FKBP10: variants seen among roughly 807,000 people sequenced by gnomAD.
FKBP10 encodes the protein FKBP prolyl isomerase 10.
Under a neutral mutation model 53.7 loss-of-function variants are expected in FKBP10, and 34 were observed. The ratio of observed to expected loss-of-function variants is 0.63; its 90% CI spans 0.48 to 0.84. FKBP10 has a LOEUF of 0.84. Among genes scored for constraint, FKBP10 ranks in the 40% least tolerant of loss-of-function variants. The pLI is 0.00. For synonymous variants in FKBP10, 324 were observed against 335.7 expected, an observed-to-expected ratio of 0.97 and a Z score of 0.38; for missense variants, 748 against 797.8, an observed-to-expected ratio of 0.94 and a Z score of 0.75.
rs2047768277 is a variant in FKBP10, at chr17:41,813,094, G to A, written c.60G>A (p.Leu20=). 3 of 1,611,148 alleles carry A rather than the reference G, an allele frequency of 1.9e-6. No homozygotes were observed. In the East Asian group the frequency reaches 6.7e-5, roughly 36 times the overall value. Residue 20 remains leucine, a synonymous_variant, in exon 1 of 10, where the codon CTG becomes CTA. Coordinates refer to ENST00000321562, the MANE Select transcript of FKBP10 (RefSeq NM_021939.4). ...TCCGGCTCCCCCTGCTGCAGTTGCT[G>A]CTACTGGTGGTGCAGGCCGTGGGGA... ...SLLRLPLLQL[L]LLVVQAVGRG...
intron 7 of FKBP10, 107 bp downstream of exon 7, chr17:41,820,568 C>T: frequency 8.5e-7 from 1 of 1,170,044 alleles, no homozygotes; most frequent in Non-Finnish European, 1.3e-6. Flanking sequence ...TCCTCGAGCG[C>T]CAGGGGAGCA....
chr17:41,819,313 C>A lies in FKBP10; in HGVS notation c.831C>A (p.Pro277=), dbSNP rs782796948. The change falls in exon 5 of 10, where the codon CCC becomes CCA. Residue 277 remains proline (P), a synonymous_variant. Transcript: ENST00000321562. ...AVQLETLELP[P]GCVRRAGAGD... is the part of the protein sequence containing the mutation. Reference sequence around the variant, plus strand: ...AGCTAGAGACGCTGGAGCTCCCCCCCGGCTGTGTCCGCAGAGCCGGGGCCG... The same window carrying A: ...AGCTAGAGACGCTGGAGCTCCCCCCAGGCTGTGTCCGCAGAGCCGGGGCCG... The A allele has an allele frequency of 2.9e-5, 46 of 1,613,944 alleles. No individual in the cohort carries two copies. Among genetic ancestry groups the A allele is most frequent in the African/African-American group, 1.2e-4 (9 of 74,912 alleles).
chr17:41,816,227 C>T (rs1161379394), intron 1 of FKBP10, among the ~76,000 whole-genome samples: 14 of 77,088 alleles, frequency 1.8e-4, no homozygotes, highest in Non-Finnish European at 2.7e-4. Flanking sequence ...TTAGAATAGG[C>T]TTTTTTTTTT....
In FKBP10 at chr17:41,817,051, C is replaced by G. The variant is rs782054815; in HGVS notation, c.246-7C>G. ...TCACTGTATCCCATCTGTCCCTCCC[C>G]CCCCAGCTATGATCGCAACACCTTG... On this transcript the variant is annotated splice_region_variant and splice_polypyrimidine_tract_variant and intron_variant, in intron 1 of 9. Coordinates refer to ENST00000321562, the MANE Select transcript of FKBP10 (RefSeq NM_021939.4). 8 of 1,613,908 alleles carry G rather than the reference C, an allele frequency of 5.0e-6. No homozygotes were observed. The highest frequency in any genetic ancestry group is 6.8e-6 in the Non-Finnish European group (8 of 1,180,036).
intron 4 of FKBP10, 133 bp from the exon 5 acceptor site, chr17:41,819,077 C>A: frequency 5.5e-6 from 5 of 904,350 alleles, no homozygotes; most frequent in African/African-American, 1.6e-5. Flanking sequence ...AGAAGCAGGG[C>A]TGCTGATGGG....
intron 9 of FKBP10, 95 bp downstream of exon 9, chr17:41,821,912 C>T (rs2047896885): frequency 2.7e-6 from 4 of 1,491,142 alleles, no homozygotes; most frequent in Non-Finnish European, 2.8e-6. Context: ...GACTGCCCAC[C>T]CGCCCTGGTG....
At chr17:41,816,115 G>A (rs1555616059) in intron 1 of FKBP10, among the ~76,000 whole-genome samples, 4 of 150,870 alleles carry the variant, frequency 2.7e-5, no homozygotes, top group African/African-American at 9.7e-5. Context: ...CAGCCTGGGT[G>A]ACAGAGCCGA....
chr17:41,821,655 C>G lies in FKBP10; in HGVS notation c.1401C>G (p.Ala467=), dbSNP rs782108520. The G allele has an allele frequency of 6.2e-7, 1 of 1,613,878 alleles. No homozygotes were observed. Among genetic ancestry groups the G allele is most frequent in the East Asian group, 2.2e-5 (1 of 44,844 alleles). Residue 467 remains alanine, a splice_region_variant and synonymous_variant, in exon 9 of 10, where the codon GCC becomes GCG. Coordinates refer to ENST00000321562, the MANE Select transcript of FKBP10 (RefSeq NM_021939.4). The part of the protein sequence containing the change: ...PPHLAHGESG[A]RGVPGSAVLL... ...CCTTCTCTCCTGCCCTCCCTCCAGCCCGGGGAGTCCCAGGCAGTGCTGTGC... is the reference window on the plus strand; with the variant it reads ...CCTTCTCTCCTGCCCTCCCTCCAGCGCGGGGAGTCCCAGGCAGTGCTGTGC...
intron 2 of FKBP10, 62 bp downstream of exon 2, chr17:41,817,265 T>C: frequency 6.3e-7 from 1 of 1,596,732 alleles, no homozygotes; most frequent in Non-Finnish European, 8.5e-7. Flanking sequence ...TCAGGGATCC[T>C]GGGGTGAGAA....
chr17:41,813,191 AGGGCCTGTCCCC>A lies in FKBP10; in HGVS notation c.161_172del (p.Ala54_Arg57del), dbSNP rs868979280. The A allele has an allele frequency of 4.3e-6, 7 of 1,613,254 alleles. No homozygotes were observed. The highest frequency in any genetic ancestry group is 5.9e-6 in the Non-Finnish European group (7 of 1,179,962). On this transcript the variant is annotated inframe_deletion, in exon 1 of 10. Coordinates refer to ENST00000321562, the MANE Select transcript of FKBP10 (RefSeq NM_021939.4). ...GGTCATCGAGAGGTACCACATCCCC[AGGGCCTGTCCCC>A]GGGAAGTGCAGATGGGGGATTTTGT...
At chr17:41,820,493 G>A (rs782603789) in intron 7 of FKBP10, 32 bp downstream of exon 7, 15 of 1,610,498 alleles carry the variant, frequency 9.3e-6, no homozygotes, top group Non-Finnish European at 1.3e-5. Context: ...GACTGGGCAG[G>A]TGGGTGGGCA....
chr17:41,820,648 G>T, intron 7 of FKBP10, 187 bp downstream of exon 7: 2 of 699,256 alleles, frequency 2.9e-6, no homozygotes, highest in South Asian at 1.8e-5. Flanking sequence ...TCTCTGCTTC[G>T]CAGGGGAAGG....
At chr17:41,815,590 C>T (rs113302687) in intron 1 of FKBP10, among the ~76,000 whole-genome samples, 1,903 of 151,804 alleles carry the variant, frequency 0.013, 44 homozygotes, top group African/African-American at 0.044. Flanking sequence ...CTCAGCCTCC[C>T]GATTAGCTGG....
intron 3 of FKBP10, 25 bp from the exon 4 acceptor site, chr17:41,818,357 C>G: frequency 6.2e-7 from 1 of 1,614,204 alleles, no homozygotes; most frequent in Non-Finnish European, 8.5e-7. Flanking sequence ...GCCTGCCTCT[C>G]CCACCTCCAC....
chr17:41,815,375 T>G (rs1888347234), intron 1 of FKBP10, among the ~76,000 whole-genome samples: 1 of 151,902 alleles, frequency 6.6e-6, no homozygotes, highest in African/African-American at 2.4e-5. Context: ...CTCAGGCTGG[T>G]CACAAACTTC....
Position 41,820,469 on chromosome 17 carries a change from CGG to C in FKBP10, c.1256+16_1256+17del, listed in dbSNP as rs55720039. On this transcript the variant is annotated intron_variant, in intron 7 of 9. Coordinates refer to ENST00000321562, the MANE Select transcript of FKBP10 (RefSeq NM_021939.4). ...CACCCAGCTGTTCACCTCGTGGGTC[CGG>C]GGGGGGGCCGGGACTGGGCAGGTGG... 2.1e-6 allele frequency: 2 copies of C among 934,960 alleles called. No individual in the cohort carries two copies. Among genetic ancestry groups the C allele is most frequent in the Non-Finnish European group, 1.6e-6 (1 of 606,262 alleles). The allele number at this position is 934,960 out of a possible 1,614,324, so 57.9% of individuals were successfully genotyped here.
At chr17:41,813,309 C>T in intron 1 of FKBP10, 30 bp downstream of exon 1, 1 of 1,612,950 alleles carries the variant, frequency 6.2e-7, no homozygotes, top group Non-Finnish European at 8.5e-7. Context: ...CCCGGATTCA[C>T]CACTCCGTCC....
chr17:41,816,907 A>G, intron 1 of FKBP10, 151 bp from the exon 2 acceptor site: 13 of 1,152,886 alleles, frequency 1.1e-5, no homozygotes, highest in Non-Finnish European at 1.6e-5. Flanking sequence ...GGACTTGAAA[A>G]GGAGGTGAGA....
chr17:41,820,379 T>G lies in FKBP10; in HGVS notation c.1174T>G (p.Cys392Gly). 6.2e-7 allele frequency: 1 copy of G among 1,614,142 alleles called. No homozygotes were observed. ...IRTLSRPSET[C>G]NETTKLGDFV... ...GACACTGTCCCGGCCATCTGAGACCTGCAATGAGACCACCAAGCTTGGGGA... is the reference window on the plus strand; with the variant it reads ...GACACTGTCCCGGCCATCTGAGACCGGCAATGAGACCACCAAGCTTGGGGA... The change falls in exon 7 of 10, where the codon TGC (cysteine) becomes GGC (glycine). Residue 392 changes from cysteine to glycine, a missense_variant. Physicochemically the swap from Cys to Gly is radical, Grantham distance 159 (BLOSUM62 -3). Coordinates refer to ENST00000321562, the MANE Select transcript of FKBP10 (RefSeq NM_021939.4).
Sources: allele counts gnomAD v4.1 joint callset (sites outside exome capture counted in the v4.1 genomes callset), GRCh38; gene constraint gnomAD v4.1.1; transcripts MANE v1.5; gene names NCBI Gene and HGNC (gene_info 2026-07-23, HGNC 2026-07-21).